Variants in SDK1 observed in about 807,000 individuals in gnomAD.
SDK1 encodes sidekick cell adhesion molecule 1.
Under a neutral mutation model 245.5 loss-of-function variants are expected in SDK1, and 157 were observed. That is an observed-to-expected ratio of 0.64 (90% CI 0.56 to 0.73). The LOEUF (loss-of-function observed/expected upper bound fraction) is 0.73. Among genes scored for constraint, SDK1 ranks in the 30% least tolerant of loss-of-function variants. The probability of loss-of-function intolerance (pLI) is 0.00; values close to 1 mark genes in which losing one functional copy is unlikely to be tolerated. For missense variants in SDK1, 3,583 were observed against 3,002.3 expected, an observed-to-expected ratio of 1.19 and a Z score of -4.52; for synonymous variants, 1,647 against 1,278.5, an observed-to-expected ratio of 1.29 and a Z score of -6.15.
At chr7:4,094,684 C>G (rs1782032099) in intron 22 of SDK1, among the ~76,000 whole-genome samples, 1 of 152,224 alleles carries the variant, frequency 6.6e-6, no homozygotes. Flanking sequence ...GTGGACCTCC[C>G]TGGCACAGCA....
intron 1 of SDK1, among the ~76,000 whole-genome samples, chr7:3,507,722 C>G (rs1392789521): frequency 6.6e-6 from 1 of 152,188 alleles, no homozygotes; most frequent in African/African-American, 2.4e-5. Context: ...CTCTCCCTTT[C>G]TCCTGCATGG....
At chr7:3,893,226 G>A (rs1027485118) in intron 5 of SDK1, among the ~76,000 whole-genome samples, 7 of 152,200 alleles carry the variant, frequency 4.6e-5, no homozygotes, top group East Asian at 1.9e-4. Flanking sequence ...AGTGAACTCC[G>A]GCCCCGGTTC....
At chr7:3,682,957 C>G (rs1190643630) in intron 4 of SDK1, among the ~76,000 whole-genome samples, 2 of 152,156 alleles carry the variant, frequency 1.3e-5, no homozygotes, top group Non-Finnish European at 2.9e-5. Flanking sequence ...TGGTCTGGAA[C>G]TCCTGACCTC....
chr7:3,315,066 C>G (rs1323071206), intron 1 of SDK1, among the ~76,000 whole-genome samples: 2 of 152,100 alleles, frequency 1.3e-5, no homozygotes, highest in East Asian at 3.9e-4. Flanking sequence ...AGCAGGTGAC[C>G]TTCACAAATG....
intron 35 of SDK1, among the ~76,000 whole-genome samples, chr7:4,193,378 A>G (rs7795800): frequency 8.0e-6 from 1 of 125,732 alleles, no homozygotes; most frequent in African/African-American, 3.6e-5. Context: ...ATATTTATAT[A>G]TATATATATA....
chr7:4,002,474 G>A (rs1785142235), intron 14 of SDK1, among the ~76,000 whole-genome samples: 1 of 152,110 alleles, frequency 6.6e-6, no homozygotes, highest in African/African-American at 2.4e-5. Flanking sequence ...TAAGATACAG[G>A]TCGGAGTCTC....
intron 1 of SDK1, among the ~76,000 whole-genome samples, chr7:3,388,071 G>A (rs574829098): frequency 6.6e-6 from 1 of 152,296 alleles, no homozygotes; most frequent in African/African-American, 2.4e-5. Context: ...CAGATAGAAG[G>A]CACTCTGGGA....
At chr7:4,013,189 C>G (rs894784889) in intron 16 of SDK1, among the ~76,000 whole-genome samples, 2 of 152,190 alleles carry the variant, frequency 1.3e-5, no homozygotes, top group Non-Finnish European at 2.9e-5. Context: ...AGTTAGGCTT[C>G]TAGAATTATT....
intron 5 of SDK1, among the ~76,000 whole-genome samples, chr7:3,894,528 A>G (rs1050639725): frequency 1.4e-5 from 2 of 146,792 alleles, no homozygotes; most frequent in Non-Finnish European, 3.0e-5. Flanking sequence ...GGGTCCAGCC[A>G]CTGAAAGGAA....
chr7:3,696,596 GTGTGT>G (rs1182443653), intron 4 of SDK1, among the ~76,000 whole-genome samples: 1 of 151,760 alleles, frequency 6.6e-6, no homozygotes, highest in East Asian at 1.9e-4. Flanking sequence ...GTGTGTGTGT[GTGTGT>G]TGTTACCTAC....
At chr7:3,870,432 C>G (rs182807949) in intron 5 of SDK1, among the ~76,000 whole-genome samples, 1 of 152,146 alleles carries the variant, frequency 6.6e-6, no homozygotes, top group East Asian at 1.9e-4. Context: ...AAGGACTTAG[C>G]GGGTGTCATA....
chr7:3,398,768 G>GTT (rs35147042), intron 1 of SDK1, among the ~76,000 whole-genome samples: 2,223 of 136,950 alleles, frequency 0.016, 78 homozygotes, highest in African/African-American at 0.056. Flanking sequence ...GCCCCCAGTA[G>GTT]TTTTTTTTTT....
intron 5 of SDK1, among the ~76,000 whole-genome samples, chr7:3,840,004 A>G (rs757389239): frequency 9.2e-5 from 14 of 152,342 alleles, no homozygotes; most frequent in African/African-American, 2.6e-4. Flanking sequence ...AGATTTTTAA[A>G]TGGTCATTGG....
intron 36 of SDK1, among the ~76,000 whole-genome samples, chr7:4,207,163 C>G (rs1784269049): frequency 6.6e-6 from 1 of 152,206 alleles, no homozygotes; most frequent in Non-Finnish European, 1.5e-5. Context: ...GCCTGCCCAG[C>G]AAGAGCAAGG....
Position 4,256,964 on chromosome 7 carries a change from C to A in SDK1, c.6382-8160C>A, listed in dbSNP as rs1307759722. Among the ~76,000 whole-genome samples the A allele has an allele frequency of 2.6e-5, 4 of 152,096 alleles. No homozygotes were observed. In the East Asian group the frequency reaches 7.7e-4, roughly 29 times the overall value. On this transcript the variant is annotated intron_variant, in intron 44 of 44. Transcript: ENST00000404826. ...GGAGCCTTCCTGATCGGAGGTGCTCCTCTGAATTATGTCCTAAGTGTCACA... is the reference window on the plus strand; with the variant it reads ...GGAGCCTTCCTGATCGGAGGTGCTCATCTGAATTATGTCCTAAGTGTCACA...
chr7:3,656,369 T>G (rs997922034), intron 4 of SDK1, among the ~76,000 whole-genome samples: 6 of 152,176 alleles, frequency 3.9e-5, no homozygotes, highest in African/African-American at 1.4e-4. Context: ...GGACTATTAG[T>G]GTCAGTGCTA....
rs894445710 is a variant in SDK1, at chr7:4,241,881, C to G, written c.6219C>G (p.Val2073=). 1 of 1,614,012 alleles carries G rather than the reference C, an allele frequency of 6.2e-7. No individual in the cohort carries two copies. The highest frequency in any genetic ancestry group is 8.5e-7 in the Non-Finnish European group (1 of 1,180,048). Residue 2073 remains valine, a synonymous_variant, in exon 43 of 45, where the codon GTC becomes GTG. Coordinates refer to ENST00000404826, the MANE Select transcript of SDK1 (RefSeq NM_152744.4). ...ALELSSRHLN[V]KSTFSKKNGT... The stretch of plus-strand genomic sequence containing the variant: ...AGCTCAGCAGCCGCCACCTCAATGT[C>G]AAGAGCACCTTCTCCAAGAAGAACG...
At chr7:4,197,779 G>A (rs968696437) in intron 35 of SDK1, among the ~76,000 whole-genome samples, 40 of 152,208 alleles carry the variant, frequency 2.6e-4, no homozygotes, top group African/African-American at 7.2e-4. Context: ...GCTGTCTGGC[G>A]CAGGCGCTCC....
intron 1 of SDK1, among the ~76,000 whole-genome samples, chr7:3,464,715 TAC>T (rs768563308): frequency 1.0e-3 from 150 of 150,218 alleles, no homozygotes; most frequent in Admixed American, 1.1e-3. Context: ...TATATATATA[TAC>T]ACACACACAC....
Sources: gnomAD v4.1 joint callset for allele counts (sites outside exome capture counted in the v4.1 genomes callset) on GRCh38, gnomAD v4.1.1 for gene constraint, MANE v1.5 for transcripts, NCBI Gene and HGNC (gene_info 2026-07-23, HGNC 2026-07-21) for gene names.